The following FNDC3B variants were observed in gnomAD, a reference collection of about 807,000 sequenced individuals.
FNDC3B encodes the protein fibronectin type III domain containing 3B, also known as fibronectin type III domain-containing protein 3B.
In FNDC3B, 12 loss-of-function variants were observed where a neutral mutation model predicts 151.5. That is an observed-to-expected ratio of 0.08 (90% CI 0.05 to 0.13). FNDC3B has a LOEUF of 0.13. Among genes scored for constraint, FNDC3B ranks in the 10% least tolerant of loss-of-function variants. The pLI is 1.00. For missense variants in FNDC3B, 1,214 were observed against 1,505.3 expected (o/e 0.81, Z 3.20); for synonymous variants, 528 against 549.0 (o/e 0.96, Z 0.54).
chr3:172,250,964 C>G (rs1429583161), intron 5 of FNDC3B, among the ~76,000 whole-genome samples: 1 of 152,104 alleles, frequency 6.6e-6, no homozygotes, highest in Admixed American at 6.5e-5. Context: ...TTATAGGCGC[C>G]TACCACCACG....
At chr3:172,204,226 C>A (rs1275929309) in intron 3 of FNDC3B, among the ~76,000 whole-genome samples, 3 of 152,174 alleles carry the variant, frequency 2.0e-5, no homozygotes, top group African/African-American at 7.2e-5. Flanking sequence ...ACTGTAGCAT[C>A]CATAGTCTCA....
chr3:172,314,991 A>G (rs946959396), intron 11 of FNDC3B, among the ~76,000 whole-genome samples: 4 of 152,250 alleles, frequency 2.6e-5, no homozygotes, highest in Non-Finnish European at 5.9e-5. Context: ...ACTGCCTGTT[A>G]TTTCTCCATT....
intron 3 of FNDC3B, among the ~76,000 whole-genome samples, chr3:172,174,700 G>A (rs1723462318): frequency 6.6e-6 from 1 of 152,194 alleles, no homozygotes; most frequent in East Asian, 1.9e-4. Flanking sequence ...GATTGGGAGG[G>A]CGACAGCAAA....
chr3:172,375,015 G>T (rs1026627078), intron 23 of FNDC3B, among the ~76,000 whole-genome samples: 12 of 150,284 alleles, frequency 8.0e-5, no homozygotes, highest in Non-Finnish European at 4.4e-5. Context: ...TATAAAAATT[G>T]GTACCAAGTC....
intron 1 of FNDC3B, among the ~76,000 whole-genome samples, chr3:172,054,498 G>A (rs1015892838): frequency 2.6e-5 from 4 of 152,328 alleles, no homozygotes; most frequent in African/African-American, 4.8e-5. Flanking sequence ...GTTTGTGGAG[G>A]GGTGTAGACA....
chr3:172,194,047 C>T (rs1289667517), intron 3 of FNDC3B, among the ~76,000 whole-genome samples: 4 of 151,904 alleles, frequency 2.6e-5, no homozygotes, highest in South Asian at 4.2e-4. Flanking sequence ...AGTGAAACCC[C>T]GTCTCTACTA....
intron 4 of FNDC3B, among the ~76,000 whole-genome samples, chr3:172,242,309 G>A (rs1215995242): frequency 1.3e-5 from 2 of 152,116 alleles, no homozygotes; most frequent in Admixed American, 1.3e-4. Context: ...CCTCTAGGCA[G>A]TGCCCCAGTA....
intron 7 of FNDC3B, among the ~76,000 whole-genome samples, chr3:172,291,056 C>T (rs1202949094): frequency 6.6e-6 from 1 of 152,128 alleles, no homozygotes; most frequent in Non-Finnish European, 1.5e-5. Flanking sequence ...GATCCAAGTA[C>T]TATCATTTGC....
chr3:172,326,465 A>T (rs1487248605), intron 11 of FNDC3B, among the ~76,000 whole-genome samples: 9 of 152,174 alleles, frequency 5.9e-5, no homozygotes, highest in Admixed American at 5.9e-4. Flanking sequence ...GTTGTAGTTT[A>T]TATAGCAGTT....
intron 4 of FNDC3B, among the ~76,000 whole-genome samples, chr3:172,230,594 C>T (rs1004795557): frequency 6.6e-6 from 1 of 151,470 alleles, no homozygotes; most frequent in Admixed American, 6.6e-5. Flanking sequence ...TCAGAAAGGA[C>T]TTGAATCTGG....
At chr3:172,219,562 T>G (rs1427466587) in intron 3 of FNDC3B, among the ~76,000 whole-genome samples, 1 of 152,218 alleles carries the variant, frequency 6.6e-6, no homozygotes, top group African/African-American at 2.4e-5. Flanking sequence ...TCCAAAACGT[T>G]TTTCATCACC....
chr3:172,298,880 C>T, intron 9 of FNDC3B, 93 bp downstream of exon 9: 1 of 828,766 alleles, frequency 1.2e-6, no homozygotes, highest in Non-Finnish European at 1.9e-6. Flanking sequence ...GTGAATGTTG[C>T]TTACCTTGCT....
intron 6 of FNDC3B, among the ~76,000 whole-genome samples, chr3:172,274,759 G>T (rs1160736272): frequency 6.6e-6 from 1 of 152,122 alleles, no homozygotes; most frequent in Non-Finnish European, 1.5e-5. Context: ...CTAGGCCTCT[G>T]TCTTTGACTT....
intron 6 of FNDC3B, among the ~76,000 whole-genome samples, chr3:172,260,540 G>T (rs1052424918): frequency 6.6e-6 from 1 of 152,234 alleles, no homozygotes; most frequent in African/African-American, 2.4e-5. Context: ...TATTGGTGAA[G>T]AAAGACCATG....
At chr3:172,369,126 G>C (rs1324033450) in intron 23 of FNDC3B, among the ~76,000 whole-genome samples, 2 of 152,218 alleles carry the variant, frequency 1.3e-5, no homozygotes, top group African/African-American at 4.8e-5. Flanking sequence ...ACAGAGGTGA[G>C]AGGTGGCAAA....
rs555628513 is a variant in FNDC3B, at chr3:172,397,599, A to G, written c.*124A>G. ...TATACTCTGTTTTACAGATTTAGCT[A>G]GAAAAAAAATGTCAGTGTTTTGGTG... On this transcript the variant is annotated 3_prime_UTR_variant, in exon 26 of 26. Coordinates refer to ENST00000415807, the MANE Select transcript of FNDC3B (RefSeq NM_022763.4). 9.4e-6 allele frequency: 5 copies of G among 529,276 alleles called. No homozygotes were observed. Among genetic ancestry groups the G allele is most frequent in the Middle Eastern group, 5.3e-4 (1 of 1,886 alleles). The allele number at this position is 529,276 out of a possible 1,614,324, so 32.8% of individuals were successfully genotyped here. A position where few individuals can be genotyped will look rare whatever the true frequency, so the allele number is the denominator to read the frequency against.
chr3:172,080,633 G>C (rs938361421), intron 1 of FNDC3B, among the ~76,000 whole-genome samples: 3 of 152,090 alleles, frequency 2.0e-5, no homozygotes, highest in Non-Finnish European at 4.4e-5. Context: ...CCCTTCTAGT[G>C]TTGTTTCACT....
intron 10 of FNDC3B, among the ~76,000 whole-genome samples, chr3:172,308,283 C>T (rs999677131): frequency 6.6e-6 from 1 of 152,192 alleles, no homozygotes; most frequent in Non-Finnish European, 1.5e-5. Context: ...ATTGCCCCTT[C>T]CTCAAGAGGC....
At chr3:172,165,608 C>A (rs1043605747) in intron 3 of FNDC3B, among the ~76,000 whole-genome samples, 1 of 152,124 alleles carries the variant, frequency 6.6e-6, no homozygotes, top group African/African-American at 2.4e-5. Context: ...GTAGATTGAA[C>A]TTTCATACTG....
Sources: gnomAD v4.1 joint callset for allele counts (sites outside exome capture counted in the v4.1 genomes callset) on GRCh38, gnomAD v4.1.1 for gene constraint, MANE v1.5 for transcripts, NCBI Gene and HGNC (gene_info 2026-07-23, HGNC 2026-07-21) for gene names.